PPP1R16A: variants seen among roughly 807,000 people sequenced by gnomAD.
PPP1R16A encodes the protein protein phosphatase 1 regulatory subunit 16A.
PPP1R16A carries 39 observed loss-of-function variants against 46.6 expected under a neutral mutation model. The ratio of observed to expected loss-of-function variants is 0.84; its 90% CI spans 0.65 to 1.09. The LOEUF (loss-of-function observed/expected upper bound fraction) is 1.09. Among genes scored for constraint, PPP1R16A ranks in the 50% least tolerant of loss-of-function variants. The probability of loss-of-function intolerance (pLI) is 0.00; values close to 1 mark genes in which losing one functional copy is unlikely to be tolerated. For synonymous variants in PPP1R16A, 413 were observed against 321.5 expected (o/e 1.28, Z -3.04); for missense variants, 798 against 735.6 (o/e 1.08, Z -0.98).
At position 144,500,361 on chromosome 8, in the gene PPP1R16A, C is replaced by T. The variant is rs955808083; in HGVS notation, c.675C>T (p.Leu225=). ...GCCGGCTGCAGGCCGGGGCAGACCT[C>T]CATGCCCCCCTGGACCACGGGGCCA... is the stretch of plus-strand genomic sequence containing the variant. ...IRSRLQAGAD[L]HAPLDHGATL... is the part of the protein sequence containing the mutation. The change falls in exon 7 of 12, where the codon CTC becomes CTT. Residue 225 remains leucine (L), a synonymous_variant. Coordinates refer to ENST00000435887, the MANE Select transcript of PPP1R16A (RefSeq NM_001329443.2). 23 of 1,534,242 alleles carry T rather than the reference C, an allele frequency of 1.5e-5. No homozygotes were observed. In the African/African-American group the frequency reaches 2.3e-4, roughly 16 times the overall value.
Position 144,497,038 on chromosome 8 carries a change from TG to T in PPP1R16A, c.-153del. The T allele has an allele frequency of 1.0e-6, 1 of 967,980 alleles. No homozygotes were observed. The highest frequency in any genetic ancestry group is 1.5e-6 in the Non-Finnish European group (1 of 657,158). 60.0% of individuals were successfully genotyped at this position (967,980 alleles called of 1,614,324 possible). ...GGGCTGCCTGGGCCTGGTTATTGTGTGGGGCCTCCTGACCCAGCCAAGGGCA... is the reference window on the plus strand; with the variant it reads ...GGGCTGCCTGGGCCTGGTTATTGTGTGGGCCTCCTGACCCAGCCAAGGGCA... On this transcript the variant is annotated 5_prime_UTR_variant, in exon 3 of 12. It removes the in-frame stop codon of an upstream open reading frame in the 5' UTR. Coordinates refer to ENST00000435887, the MANE Select transcript of PPP1R16A (RefSeq NM_001329443.2).
intron 1 of PPP1R16A, among the ~76,000 whole-genome samples, chr8:144,480,446 C>G (rs1231974474): frequency 6.6e-6 from 1 of 152,122 alleles, no homozygotes; most frequent in Non-Finnish European, 1.5e-5. Context: ...TCCCCAGTAG[C>G]TGGGATTACA....
At chr8:144,480,353 C>T (rs1586734173) in intron 1 of PPP1R16A, among the ~76,000 whole-genome samples, 2 of 152,202 alleles carry the variant, frequency 1.3e-5, no homozygotes, top group Non-Finnish European at 2.9e-5. Flanking sequence ...CTCACTCTGT[C>T]GCCCAGACTG....
Position 144,500,771 on chromosome 8 carries a change from C to CG in PPP1R16A, c.907+14dup. On this transcript the variant is annotated intron_variant, in intron 9 of 11. Coordinates refer to ENST00000435887, the MANE Select transcript of PPP1R16A (RefSeq NM_001329443.2). Reference sequence around the variant, plus strand: ...GACGAGACGCCCCTTGGTGAGCTTGCGGGGCCCACCTCCACCTGGGGGAGA... The same window carrying CG: ...GACGAGACGCCCCTTGGTGAGCTTGCGGGGGCCCACCTCCACCTGGGGGAGA... The CG allele has an allele frequency of 6.2e-7, 1 of 1,609,762 alleles. No homozygotes were observed. The highest frequency in any genetic ancestry group is 8.5e-7 in the Non-Finnish European group (1 of 1,178,870).
In PPP1R16A at chr8:144,500,099, C is replaced by T. The variant is rs201015331; in HGVS notation, c.480C>T (p.Gly160=). ...LHLVELLIAS[G]ANLLAVNTDG... ...ACCCCGTCCGTCTTCCCTGCAGTGG[C>T]GCCAATCTCCTGGCGGTCAACACCG... Residue 160 remains glycine, a synonymous_variant, in exon 6 of 12, where the codon GGC becomes GGT. Coordinates refer to ENST00000435887, the MANE Select transcript of PPP1R16A (RefSeq NM_001329443.2). 3.0e-5 allele frequency: 49 copies of T among 1,607,618 alleles called. No homozygotes were observed. In the Middle Eastern group the frequency reaches 1.3e-3, roughly 43 times the overall value.
chr8:144,480,373 T>C (rs1330924118), intron 1 of PPP1R16A, among the ~76,000 whole-genome samples: 1 of 152,206 alleles, frequency 6.6e-6, no homozygotes, highest in African/African-American at 2.4e-5. Context: ...GGAGTGCGGT[T>C]GCACAATCTC....
At chr8:144,491,598 C>T (rs1825811804) in intron 2 of PPP1R16A, among the ~76,000 whole-genome samples, 1 of 151,964 alleles carries the variant, frequency 6.6e-6, no homozygotes, top group Non-Finnish European at 1.5e-5. Context: ...CCCATCTCTA[C>T]TAAAAATACA....
intron 1 of PPP1R16A, among the ~76,000 whole-genome samples, chr8:144,481,236 T>G (rs986445306): frequency 1.3e-5 from 2 of 152,044 alleles, no homozygotes; most frequent in African/African-American, 4.8e-5. Flanking sequence ...TATAAAACAT[T>G]TCCGTTGCCC....
rs529590748 is a variant in PPP1R16A at position 144,499,288 on chromosome 8, C to T, written c.476+227C>T. On this transcript the variant is annotated intron_variant, in intron 5 of 11. Transcript: ENST00000435887. ...GCCTCCCCAGCATTCGTCCTCCTGC[C>T]GAGAGGGCAGGCCTCGGGCCCCCCC... is the stretch of plus-strand genomic sequence containing the variant. 4.5e-4 allele frequency: 263 copies of T among 589,002 alleles called. 1 individual carries two copies. In the Middle Eastern group the frequency reaches 5.4e-3, roughly 12 times the overall value. The allele number at this position is 589,002 out of a possible 1,614,324, so 36.5% of individuals were successfully genotyped here.
At chr8:144,484,612 A>G (rs1825570665) in intron 1 of PPP1R16A, among the ~76,000 whole-genome samples, 1 of 152,128 alleles carries the variant, frequency 6.6e-6, no homozygotes, top group African/African-American at 2.4e-5. Context: ...TATTCGATTT[A>G]TTTTGAAGCC....
At chr8:144,491,142 C>T (rs768269939) in intron 2 of PPP1R16A, among the ~76,000 whole-genome samples, 2 of 152,184 alleles carry the variant, frequency 1.3e-5, no homozygotes, top group African/African-American at 2.4e-5. Flanking sequence ...TCTGCACCCA[C>T]GGGCAAGATA....
chr8:144,500,291 C>A lies in PPP1R16A; in HGVS notation c.605C>A (p.Ala202Asp). ...GGCATCACCCAGGACAGCATCGAGG[C>A]CGCCCGGGCCGTGCCAGAACTGCGC... ...DRGITQDSIE[A>D]ARAVPELRML... The change falls in exon 7 of 12, where the codon GCC becomes GAC. Residue 202 changes from alanine to aspartate, a missense_variant. Coordinates refer to ENST00000435887, the MANE Select transcript of PPP1R16A (RefSeq NM_001329443.2). 6.5e-7 allele frequency: 1 copy of A among 1,546,528 alleles called. No homozygotes were observed. The highest frequency in any genetic ancestry group is 8.7e-7 in the Non-Finnish European group (1 of 1,147,552).
chr8:144,492,473 C>T (rs1389970498), intron 2 of PPP1R16A, among the ~76,000 whole-genome samples: 1 of 151,742 alleles, frequency 6.6e-6, no homozygotes, highest in East Asian at 1.9e-4. Context: ...GTAGCTGGGA[C>T]TACAGGCGCC....
Position 144,502,098 on chromosome 8 carries a change from G to A in PPP1R16A, c.*195G>A, listed in dbSNP as rs1415200585. On this transcript the variant is annotated 3_prime_UTR_variant, in exon 12 of 12. Transcript: ENST00000435887. Reference sequence around the variant, plus strand: ...AGACTATTTTTATCCTGCAACTCTTGATAAAGGGCTGTTTTGCCATGGAGC... The same window carrying A: ...AGACTATTTTTATCCTGCAACTCTTAATAAAGGGCTGTTTTGCCATGGAGC... The A allele has an allele frequency of 3.5e-6, 2 of 571,120 alleles. No individual in the cohort carries two copies. The highest frequency in any genetic ancestry group is 3.8e-5 in the African/African-American group (2 of 52,920). 35.4% of individuals were successfully genotyped at this position (571,120 alleles called of 1,614,324 possible). A position where few individuals can be genotyped will look rare whatever the true frequency, so the allele number is the denominator to read the frequency against.
In PPP1R16A at chr8:144,496,725, G is replaced by T; in HGVS notation, c.-470G>T. On this transcript the variant is annotated 5_prime_UTR_variant, in exon 3 of 12. It adds an upstream start codon to the 5' untranslated region. Transcript: ENST00000435887. Reference sequence around the variant, plus strand: ...CCCACCCAGGCTCCTGAGCCTAGAAGGTGAAAAGAGGACTCTCAGGGGCTC... The same window carrying T: ...CCCACCCAGGCTCCTGAGCCTAGAATGTGAAAAGAGGACTCTCAGGGGCTC... 4.7e-6 allele frequency: 1 copy of T among 211,292 alleles called. No individual in the cohort carries two copies. Among genetic ancestry groups the T allele is most frequent in the Non-Finnish European group, 9.7e-6 (1 of 103,444 alleles). 13.1% of individuals were successfully genotyped at this position (211,292 alleles called of 1,614,324 possible).
rs754719078 is a variant in PPP1R16A at position 144,500,249 on chromosome 8, G to A, written c.581-18G>A. The A allele has an allele frequency of 1.3e-6, 2 of 1,569,106 alleles. No homozygotes were observed. The highest frequency in any genetic ancestry group is 8.6e-7 in the Non-Finnish European group (1 of 1,158,418). On this transcript the variant is annotated intron_variant, in intron 6 of 11. Coordinates refer to ENST00000435887, the MANE Select transcript of PPP1R16A (RefSeq NM_001329443.2). Reference sequence around the variant, plus strand: ...GAGGGCTGCCGGTCGCGCTCCCTCTGAGCCTGCCGCCTCGCAGGCATCACC... The same window carrying A: ...GAGGGCTGCCGGTCGCGCTCCCTCTAAGCCTGCCGCCTCGCAGGCATCACC...
chr8:144,500,048 A>C (rs1826331950), intron 5 of PPP1R16A, 48 bp from the exon 6 acceptor site: 1 of 1,554,570 alleles, frequency 6.4e-7, no homozygotes, highest in African/African-American at 1.4e-5. Flanking sequence ...GGAGCCTGGC[A>C]AGCGGGGAAG....
At chr8:144,482,846 C>G (rs1208938633) in intron 1 of PPP1R16A, among the ~76,000 whole-genome samples, 1 of 152,102 alleles carries the variant, frequency 6.6e-6, no homozygotes, top group Non-Finnish European at 1.5e-5. Flanking sequence ...ACGGGTTTCA[C>G]CATGTTGGCC....
At chr8:144,483,989 A>G (rs1825543959) in intron 1 of PPP1R16A, among the ~76,000 whole-genome samples, 1 of 152,186 alleles carries the variant, frequency 6.6e-6, no homozygotes, top group Non-Finnish European at 1.5e-5. Flanking sequence ...TTTCTTGGAA[A>G]TGCCTTTCCA....
Sources: gnomAD v4.1 joint callset for allele counts (sites outside exome capture counted in the v4.1 genomes callset) on GRCh38, gnomAD v4.1.1 for gene constraint, MANE v1.5 for transcripts, NCBI Gene and HGNC (gene_info 2026-07-23, HGNC 2026-07-21) for gene names.